Variants in DESI2 observed in about 807,000 individuals in gnomAD.
The protein encoded by DESI2 is desumoylating isopeptidase 2, also known as deubiquitinase DESI2.
In DESI2, 10 loss-of-function variants were observed where a neutral mutation model predicts 24.1. The observed-to-expected ratio is 0.41, with a 90% CI of 0.26 to 0.70. DESI2 has a LOEUF of 0.70. DESI2 is among the 30% of genes least tolerant of loss of function. The pLI is 0.29. For synonymous variants in DESI2, 71 were observed against 87.7 expected, an observed-to-expected ratio of 0.81 and a Z score of 1.06; for missense variants, 122 against 234.9, an observed-to-expected ratio of 0.52 and a Z score of 3.14.
intron 1 of DESI2, among the ~76,000 whole-genome samples, chr1:244,667,791 C>T (rs2148788980): frequency 6.6e-6 from 1 of 152,318 alleles, no homozygotes; most frequent in African/African-American, 2.4e-5. Flanking sequence ...TGTCACCTGA[C>T]AGGCTAGGGA....
chr1:244,680,979 G>T (rs1228905845), intron 1 of DESI2, among the ~76,000 whole-genome samples: 1 of 147,714 alleles, frequency 6.8e-6, no homozygotes, highest in East Asian at 2.0e-4. Flanking sequence ...TATTACCATG[G>T]ACTCTGAGAT....
intron 1 of DESI2, among the ~76,000 whole-genome samples, chr1:244,669,740 T>C (rs1051298945): frequency 6.6e-6 from 1 of 152,118 alleles, no homozygotes; most frequent in Non-Finnish European, 1.5e-5. Context: ...GAGGTAAGTG[T>C]GTATTAGTAT....
At chr1:244,669,353 A>G (rs1450909048) in intron 1 of DESI2, among the ~76,000 whole-genome samples, 1 of 152,026 alleles carries the variant, frequency 6.6e-6, no homozygotes, top group Non-Finnish European at 1.5e-5. Flanking sequence ...CAGAATCTTA[A>G]TAAGAAAACC....
intron 1 of DESI2, among the ~76,000 whole-genome samples, chr1:244,669,115 C>T (rs1413523083): frequency 1.3e-5 from 2 of 152,050 alleles, no homozygotes; most frequent in Non-Finnish European, 2.9e-5. Flanking sequence ...AAACCTCCCA[C>T]GTCAGCCCCC....
intron 4 of DESI2, among the ~76,000 whole-genome samples, chr1:244,697,626 G>A (rs1314248036): frequency 1.3e-5 from 2 of 152,066 alleles, no homozygotes; most frequent in Admixed American, 6.6e-5. Context: ...GTTACCTGTC[G>A]AATTTCAAAT....
At chr1:244,660,674 TTTTG>T (rs1675811249) in intron 1 of DESI2, among the ~76,000 whole-genome samples, 1 of 152,196 alleles carries the variant, frequency 6.6e-6, no homozygotes, top group Non-Finnish European at 1.5e-5. Context: ...ATGAAAATAA[TTTTG>T]TTTTAGTTTA....
chr1:244,679,316 C>T (rs1006795378), intron 1 of DESI2, among the ~76,000 whole-genome samples: 2 of 152,192 alleles, frequency 1.3e-5, no homozygotes, highest in African/African-American at 4.8e-5. Flanking sequence ...AGAAATGCAT[C>T]TCTTGTAAGG....
chr1:244,687,973 T>G (rs1676881086), intron 2 of DESI2, among the ~76,000 whole-genome samples: 1 of 152,216 alleles, frequency 6.6e-6, no homozygotes, highest in Admixed American at 6.5e-5. Flanking sequence ...ATTTTTCAGC[T>G]GAAGAAACTG....
At chr1:244,660,377 A>G (rs907080030) in intron 1 of DESI2, among the ~76,000 whole-genome samples, 5 of 152,166 alleles carry the variant, frequency 3.3e-5, no homozygotes, top group African/African-American at 1.2e-4. Flanking sequence ...CATGTTGGCC[A>G]CACTGGTCTC....
intron 3 of DESI2, among the ~76,000 whole-genome samples, chr1:244,691,358 G>C (rs1017633125): frequency 3.9e-5 from 6 of 152,234 alleles, no homozygotes; most frequent in Non-Finnish European, 8.8e-5. Flanking sequence ...CAAAGTGCTG[G>C]GATTACAGGC....
intron 1 of DESI2, chr1:244,653,557 C>T (rs1675537279): frequency 1.8e-6 from 1 of 561,358 alleles, no homozygotes; most frequent in African/African-American, 2.0e-5. Context: ...CCCAGTCAGC[C>T]CGAGGGTTTT....
At chr1:244,665,858 C>G (rs1676025637) in intron 1 of DESI2, among the ~76,000 whole-genome samples, 1 of 152,222 alleles carries the variant, frequency 6.6e-6, no homozygotes, top group African/African-American at 2.4e-5. Context: ...AAAATAATCA[C>G]TTCTTTGCTC....
At chr1:244,661,871 C>T (rs1284465318) in intron 1 of DESI2, among the ~76,000 whole-genome samples, 3 of 152,272 alleles carry the variant, frequency 2.0e-5, no homozygotes, top group African/African-American at 4.8e-5. Flanking sequence ...AGTAAACATA[C>T]GTGTGCATGT....
intron 4 of DESI2, among the ~76,000 whole-genome samples, chr1:244,700,125 T>G (rs1283065332): frequency 6.6e-6 from 1 of 152,200 alleles, no homozygotes; most frequent in African/African-American, 2.4e-5. Context: ...ACCTTTTCGC[T>G]TGCCAATTTT....
chr1:244,661,973 A>G (rs1340130096), intron 1 of DESI2, among the ~76,000 whole-genome samples: 1 of 152,192 alleles, frequency 6.6e-6, no homozygotes. Context: ...TAGATCCCTG[A>G]GGAATTGCCA....
chr1:244,686,250 C>CTGTG (rs767500032), intron 1 of DESI2, among the ~76,000 whole-genome samples: 14,356 of 150,406 alleles, frequency 0.095, 803 homozygotes, highest in South Asian at 0.2. Flanking sequence ...AAAGCACACT[C>CTGTG]TGTGTGTGTG....
intron 4 of DESI2, among the ~76,000 whole-genome samples, chr1:244,695,077 A>G (rs1434245961): frequency 6.6e-6 from 1 of 152,126 alleles, no homozygotes; most frequent in Non-Finnish European, 1.5e-5. Context: ...TCATTTCTCT[A>G]AGCTGCCATC....
intron 3 of DESI2, among the ~76,000 whole-genome samples, chr1:244,690,231 C>T (rs112493744): frequency 6.6e-6 from 1 of 152,098 alleles, no homozygotes; most frequent in African/African-American, 2.4e-5. Flanking sequence ...GCTCCCACCC[C>T]GCGACAGGCC....
At chr1:244,654,375 T>G (rs1456010993) in intron 1 of DESI2, among the ~76,000 whole-genome samples, 1 of 152,238 alleles carries the variant, frequency 6.6e-6, no homozygotes, top group African/African-American at 2.4e-5. Flanking sequence ...GCAGAAATAC[T>G]ACAGGCCAAG....
Sources: gnomAD v4.1 joint callset for allele counts (sites outside exome capture counted in the v4.1 genomes callset) on GRCh38, gnomAD v4.1.1 for gene constraint, MANE v1.5 for transcripts, NCBI Gene and HGNC (gene_info 2026-07-23, HGNC 2026-07-21) for gene names.